Variants in CACNA2D1 observed in about 807,000 individuals in gnomAD.
CACNA2D1 encodes voltage-dependent calcium channel subunit alpha-2/delta-1.
CACNA2D1 carries 53 observed loss-of-function variants against 171.5 expected under a neutral mutation model. That is an observed-to-expected ratio of 0.31 (90% CI 0.25 to 0.39). CACNA2D1 has a LOEUF of 0.39. Ranked by LOEUF, CACNA2D1 falls within the 10% of genes least tolerant of loss-of-function variation. The pLI is 1.00. For synonymous variants in CACNA2D1, 442 were observed against 443.1 expected, an observed-to-expected ratio of 1.00 and a Z score of 0.03; for missense variants, 903 against 1,299.8, an observed-to-expected ratio of 0.69 and a Z score of 4.69.
At chr7:82,142,503 T>C (rs562029352) in intron 4 of CACNA2D1, among the ~76,000 whole-genome samples, 1 of 152,290 alleles carries the variant, frequency 6.6e-6, no homozygotes, top group African/African-American at 2.4e-5. Flanking sequence ...CATGCAAAGC[T>C]TCCCCATGGA....
Position 82,363,448 on chromosome 7 carries a change from G to C in CACNA2D1, c.96-13799C>G, listed in dbSNP as rs1284705245. Among the ~76,000 whole-genome samples the C allele has an allele frequency of 2.6e-5, 4 of 151,660 alleles. No individual in the cohort carries two copies. The East Asian group carries it at 5.8e-4, about 22-fold the overall frequency. ...TCCGGCTAATTTTTTGTAGTTTTTA[G>C]TAGAAATGGGGTTTCACCGTGTTAG... On this transcript the variant is annotated intron_variant, in intron 1 of 38. Transcript: ENST00000356860.
At chr7:82,111,865 G>C (rs1448134963) in intron 6 of CACNA2D1, among the ~76,000 whole-genome samples, 1 of 151,910 alleles carries the variant, frequency 6.6e-6, no homozygotes, top group Non-Finnish European at 1.5e-5. Context: ...TGAAATCACA[G>C]AACAAATGTG....
intron 5 of CACNA2D1, among the ~76,000 whole-genome samples, chr7:82,122,535 T>G (rs998298044): frequency 6.6e-6 from 1 of 152,068 alleles, no homozygotes; most frequent in African/African-American, 2.4e-5. Flanking sequence ...TGGAAAAGAG[T>G]TGGAGGCTGA....
intron 1 of CACNA2D1, among the ~76,000 whole-genome samples, chr7:82,364,399 T>C (rs975038368): frequency 6.6e-6 from 1 of 152,148 alleles, no homozygotes; most frequent in Non-Finnish European, 1.5e-5. Flanking sequence ...GTTGTCCACC[T>C]GTGGATATAA....
At chr7:82,108,531 C>G (rs1788009194) in intron 6 of CACNA2D1, among the ~76,000 whole-genome samples, 1 of 152,138 alleles carries the variant, frequency 6.6e-6, no homozygotes, top group Non-Finnish European at 1.5e-5. Context: ...GGAGGGAACA[C>G]AATTCAGTCT....
chr7:82,182,071 TCTC>T (rs1797189871), intron 3 of CACNA2D1, among the ~76,000 whole-genome samples: 1 of 152,186 alleles, frequency 6.6e-6, no homozygotes. Context: ...TCTTTATAAT[TCTC>T]CTTTCCCTTC....
At chr7:82,257,524 A>T (rs572050390) in intron 3 of CACNA2D1, among the ~76,000 whole-genome samples, 42 of 152,348 alleles carry the variant, frequency 2.8e-4, no homozygotes, top group Non-Finnish European at 4.9e-4. Context: ...AGTGTGAATT[A>T]CAGGCACTGG....
At chr7:82,350,107 T>C (rs933734406) in intron 1 of CACNA2D1, among the ~76,000 whole-genome samples, 10 of 152,224 alleles carry the variant, frequency 6.6e-5, no homozygotes, top group Non-Finnish European at 1.5e-4. Flanking sequence ...TCCCTTCTAG[T>C]GTTTTAAAAT....
intron 1 of CACNA2D1, among the ~76,000 whole-genome samples, chr7:82,353,420 G>A (rs1820068836): frequency 6.6e-6 from 1 of 152,246 alleles, no homozygotes; most frequent in Admixed American, 6.5e-5. Flanking sequence ...GATTAGAGGT[G>A]TTTGGGGGAG....
At chr7:82,376,828 T>C (rs1344731426) in intron 1 of CACNA2D1, among the ~76,000 whole-genome samples, 1 of 152,198 alleles carries the variant, frequency 6.6e-6, no homozygotes, top group Non-Finnish European at 1.5e-5. Context: ...GAAAATCTTT[T>C]AGGCGATGGA....
chr7:82,141,513 T>C lies in CACNA2D1; in HGVS notation c.355-4837A>G, dbSNP rs1035431156. On this transcript the variant is annotated intron_variant, in intron 4 of 38. Transcript: ENST00000356860. Reference sequence around the variant, plus strand: ...GACTTTGTACAGGGAGATTTTGGGGTTTCAACAACAATCGGGGGAGCCACA... The same window carrying C: ...GACTTTGTACAGGGAGATTTTGGGGCTTCAACAACAATCGGGGGAGCCACA... Among the ~76,000 whole-genome samples the C allele has an allele frequency of 6.6e-5, 10 of 152,072 alleles. No individual in the cohort carries two copies. In the East Asian group the frequency reaches 1.9e-3, roughly 29 times the overall value.
intron 3 of CACNA2D1, among the ~76,000 whole-genome samples, chr7:82,281,795 AAT>A (rs1458775681): frequency 7.1e-6 from 1 of 141,394 alleles, no homozygotes; most frequent in East Asian, 2.0e-4. Flanking sequence ...ATGATTTATA[AAT>A]TTAAAATATT....
At chr7:82,189,284 G>A (rs1798066787) in intron 3 of CACNA2D1, among the ~76,000 whole-genome samples, 1 of 151,974 alleles carries the variant, frequency 6.6e-6, no homozygotes, top group Non-Finnish European at 1.5e-5. Context: ...CAGTATAAAT[G>A]AGATTACTTA....
intron 7 of CACNA2D1, among the ~76,000 whole-genome samples, chr7:82,073,789 C>CG (rs1343293625): frequency 6.6e-6 from 1 of 151,908 alleles, no homozygotes; most frequent in Non-Finnish European, 1.5e-5. Flanking sequence ...TTATTAGATA[C>CG]GGGGTTTCAT....
chr7:82,023,667 A>G (rs1297675929), intron 12 of CACNA2D1, among the ~76,000 whole-genome samples: 1 of 151,618 alleles, frequency 6.6e-6, no homozygotes, highest in Non-Finnish European at 1.5e-5. Flanking sequence ...TATGGTAAGA[A>G]CTACCATCCT....
At chr7:82,358,308 T>C (rs532115959) in intron 1 of CACNA2D1, among the ~76,000 whole-genome samples, 2 of 152,316 alleles carry the variant, frequency 1.3e-5, no homozygotes, top group South Asian at 2.1e-4. Context: ...TCGCTAAATA[T>C]GCTTTTCTTA....
At chr7:82,414,048 C>T (rs944689436) in intron 1 of CACNA2D1, among the ~76,000 whole-genome samples, 2 of 152,066 alleles carry the variant, frequency 1.3e-5, no homozygotes, top group Admixed American at 6.5e-5. Flanking sequence ...TCATAGCATG[C>T]AATTACTGGT....
At chr7:81,998,648 G>GA (rs1798289105) in intron 18 of CACNA2D1, among the ~76,000 whole-genome samples, 1 of 151,698 alleles carries the variant, frequency 6.6e-6, no homozygotes, top group Non-Finnish European at 1.5e-5. Context: ...CACTTTAATT[G>GA]AAAAAAATAT....
At chr7:81,955,902 TGGTGGGGGGG>T (rs1793206545) in intron 38 of CACNA2D1, among the ~76,000 whole-genome samples, 1 of 2,780 alleles carries the variant, frequency 3.6e-4, no homozygotes, top group Admixed American at 2.0e-3. Flanking sequence ...AATGTTATTT[TGGTGGGGGGG>T]GGGGGGGGTG....
Sources: allele counts gnomAD v4.1 joint callset (sites outside exome capture counted in the v4.1 genomes callset), GRCh38; gene constraint gnomAD v4.1.1; transcripts MANE v1.5; gene names NCBI Gene and HGNC (gene_info 2026-07-23, HGNC 2026-07-21).